Variants in DOK6 observed in about 807,000 individuals in gnomAD.
The protein encoded by DOK6 is downstream of tyrosine kinase 6.
In DOK6, 22 loss-of-function variants were observed where a neutral mutation model predicts 44.0. That is an observed-to-expected ratio of 0.50 (90% CI 0.36 to 0.71). The LOEUF is 0.71. Among genes scored for constraint, DOK6 ranks in the 30% least tolerant of loss-of-function variants. DOK6 has a pLI of 0.00. For synonymous variants in DOK6, 166 were observed against 145.5 expected, an observed-to-expected ratio of 1.14 and a Z score of -1.01; for missense variants, 340 against 416.4, an observed-to-expected ratio of 0.82 and a Z score of 1.60.
intron 1 of DOK6, among the ~76,000 whole-genome samples, chr18:69,477,946 A>G (rs1980312992): frequency 6.6e-6 from 1 of 152,182 alleles, no homozygotes; most frequent in Non-Finnish European, 1.5e-5. Context: ...ATCTGTCACA[A>G]AATTTTTCAG....
At chr18:69,647,466 A>C (rs1404853042) in intron 3 of DOK6, 1 of 152,198 alleles carries the variant, frequency 6.6e-6, no homozygotes, top group African/African-American at 2.4e-5. Context: ...CGTCACTTCC[A>C]GTAGGTGACC....
At chr18:69,613,481 C>T (rs1032125690) in intron 3 of DOK6, among the ~76,000 whole-genome samples, 9 of 151,920 alleles carry the variant, frequency 5.9e-5, no homozygotes, top group Admixed American at 1.3e-4. Flanking sequence ...ATAGACTCTG[C>T]CACTGGAGAA....
At chr18:69,818,400 T>C (rs1347599407) in intron 7 of DOK6, among the ~76,000 whole-genome samples, 1 of 152,136 alleles carries the variant, frequency 6.6e-6, no homozygotes, top group Non-Finnish European at 1.5e-5. Flanking sequence ...AAGAGGCTTA[T>C]TTCGAAGAAC....
At chr18:69,449,712 T>G (rs993245245) in intron 1 of DOK6, among the ~76,000 whole-genome samples, 1 of 152,004 alleles carries the variant, frequency 6.6e-6, no homozygotes, top group East Asian at 1.9e-4. Flanking sequence ...GATGGAGATC[T>G]GAGAACGGGC....
intron 2 of DOK6, among the ~76,000 whole-genome samples, chr18:69,565,604 T>A (rs934551242): frequency 1.3e-5 from 2 of 151,924 alleles, no homozygotes; most frequent in Admixed American, 1.3e-4. Context: ...AAACTCCTGA[T>A]CTCAAACAAT....
At chr18:69,814,211 A>G (rs1480487932) in intron 7 of DOK6, among the ~76,000 whole-genome samples, 1 of 152,182 alleles carries the variant, frequency 6.6e-6, no homozygotes, top group African/African-American at 2.4e-5. Flanking sequence ...AGAGGCCAGT[A>G]GTCAGCAGCA....
intron 7 of DOK6, among the ~76,000 whole-genome samples, chr18:69,814,497 C>T (rs1599340147): frequency 3.3e-5 from 5 of 152,238 alleles, no homozygotes; most frequent in Admixed American, 3.3e-4. Flanking sequence ...GCATAGTTCA[C>T]AGTCGGGTTC....
intron 1 of DOK6, among the ~76,000 whole-genome samples, chr18:69,429,469 T>C (rs1469025557): frequency 1.3e-5 from 2 of 151,622 alleles, no homozygotes; most frequent in South Asian, 2.1e-4. Flanking sequence ...CAAAAATATA[T>C]TGGAAATAGT....
intron 1 of DOK6, among the ~76,000 whole-genome samples, chr18:69,557,321 A>G (rs1434935261): frequency 2.0e-5 from 3 of 152,196 alleles, no homozygotes; most frequent in East Asian, 3.9e-4. Flanking sequence ...AAACAGGCCC[A>G]TTAAATCCAA....
chr18:69,824,510 T>G (rs1398983854), intron 7 of DOK6, among the ~76,000 whole-genome samples: 2 of 151,898 alleles, frequency 1.3e-5, no homozygotes, highest in Non-Finnish European at 2.9e-5. Context: ...CCAAGGCACG[T>G]GCCACCATGC....
chr18:69,727,118 C>T (rs191588743), intron 5 of DOK6, among the ~76,000 whole-genome samples: 417 of 152,208 alleles, frequency 2.7e-3, no homozygotes, highest in Middle Eastern at 0.014. Flanking sequence ...TTTGGCCTCC[C>T]AGAGTGCTTG....
chr18:69,711,476 C>T (rs1200779111), intron 5 of DOK6, among the ~76,000 whole-genome samples: 2 of 152,144 alleles, frequency 1.3e-5, no homozygotes, highest in African/African-American at 4.8e-5. Flanking sequence ...AAAAACAAAG[C>T]AATTAGTTGG....
At chr18:69,706,489 C>T (rs993997677) in intron 5 of DOK6, among the ~76,000 whole-genome samples, 55 of 152,106 alleles carry the variant, frequency 3.6e-4, no homozygotes, top group African/African-American at 9.9e-4. Flanking sequence ...TTAAATTTCA[C>T]ATTTGTCCAT....
intron 3 of DOK6, among the ~76,000 whole-genome samples, chr18:69,674,808 G>A (rs1254337528): frequency 6.6e-6 from 1 of 152,058 alleles, no homozygotes; most frequent in Non-Finnish European, 1.5e-5. Flanking sequence ...AAACCCACCT[G>A]CCCATCCCAC....
chr18:69,656,627 TAAGATA>T (rs1351286609), intron 3 of DOK6, among the ~76,000 whole-genome samples: 1 of 152,222 alleles, frequency 6.6e-6, no homozygotes, highest in Non-Finnish European at 1.5e-5. Context: ...TGTAAAATGC[TAAGATA>T]ACTATTTTAA....
At chr18:69,736,148 T>TA (rs1382761700) in intron 5 of DOK6, among the ~76,000 whole-genome samples, 9 of 152,234 alleles carry the variant, frequency 5.9e-5, no homozygotes, top group African/African-American at 2.2e-4. Context: ...GCCATATATA[T>TA]TTTTCCCTCC....
rs569519037 is a variant in DOK6, at chr18:69,845,846, T to C, written c.*4463T>C. On this transcript the variant is annotated 3_prime_UTR_variant, in exon 8 of 8. Transcript: ENST00000382713. ...TGTCTTTCGGCTTAGTGAAAAACAT[T>C]TAACAAGAAACAATGTGTAACCAAG... The C allele has an allele frequency of 1.2e-4, 18 of 152,268 alleles. No homozygotes were observed. The highest frequency in any genetic ancestry group is 4.1e-4 in the African/African-American group (17 of 41,568). 9.4% of individuals were successfully genotyped at this position (152,268 alleles called of 1,614,324 possible). A position where few individuals can be genotyped will look rare whatever the true frequency, so the allele number is the denominator to read the frequency against.
At chr18:69,610,300 T>C (rs1203220410) in intron 3 of DOK6, among the ~76,000 whole-genome samples, 1 of 152,184 alleles carries the variant, frequency 6.6e-6, no homozygotes, top group Non-Finnish European at 1.5e-5. Flanking sequence ...TCAAGAAAAC[T>C]GTCTATTGCT....
intron 1 of DOK6, among the ~76,000 whole-genome samples, chr18:69,559,785 A>G (rs536971158): frequency 1.3e-5 from 2 of 152,248 alleles, no homozygotes; most frequent in South Asian, 4.1e-4. Context: ...GTTCTGGTGA[A>G]GGATTACTTC....
Sources: allele counts gnomAD v4.1 joint callset (sites outside exome capture counted in the v4.1 genomes callset), GRCh38; gene constraint gnomAD v4.1.1; transcripts MANE v1.5; gene names NCBI Gene and HGNC (gene_info 2026-07-23, HGNC 2026-07-21).